The following TTC23 variants were observed in gnomAD, a reference collection of about 807,000 sequenced individuals.
The protein encoded by TTC23 is tetratricopeptide repeat domain 23, also known as tetratricopeptide repeat protein 23.
A neutral mutation model predicts 55.1 loss-of-function variants in TTC23; 58 were observed. The ratio of observed to expected loss-of-function variants is 1.05; its 90% CI spans 0.85 to 1.31. The LOEUF (loss-of-function observed/expected upper bound fraction) is 1.31, where lower values mean the gene tolerates loss of function less well. Ranked by LOEUF, TTC23 falls within the 50% of genes most tolerant of loss-of-function variation. The pLI is 0.00. For synonymous variants in TTC23, 203 were observed against 199.9 expected, an observed-to-expected ratio of 1.02 and a Z score of -0.13; for missense variants, 516 against 534.4, an observed-to-expected ratio of 0.97 and a Z score of 0.34.
At chr15:99,169,332 G>T (rs11858438) in intron 10 of TTC23, among the ~76,000 whole-genome samples, 1 of 147,348 alleles carries the variant, frequency 6.8e-6, no homozygotes. Flanking sequence ...GGCGTGGCCA[G>T]CCATGGCTTA....
At chr15:99,228,081 A>G (rs1329424186) in intron 5 of TTC23, among the ~76,000 whole-genome samples, 2 of 152,218 alleles carry the variant, frequency 1.3e-5, no homozygotes, top group Non-Finnish European at 2.9e-5. Flanking sequence ...GGCACATATT[A>G]GTCATACAAT....
At chr15:99,216,897 A>C (rs1159890638) in intron 8 of TTC23, among the ~76,000 whole-genome samples, 1 of 152,238 alleles carries the variant, frequency 6.6e-6, no homozygotes, top group East Asian at 1.9e-4. Context: ...CCTCAGAAAA[A>C]GTGTCACTTA....
rs1476745492 is a variant in TTC23 at position 99,221,545 on chromosome 15, A to G, written c.304+196T>C. ...AAACAAAAAAACCAGAAAAGTTAAA[A>G]TATTTTTTCCATTTTTCCCCTTTGA... On this transcript the variant is annotated intron_variant, in intron 6 of 13. Transcript: ENST00000394132. 2.0e-5 allele frequency among the ~76,000 whole-genome samples: 3 copies of G among 152,344 alleles called. No homozygotes were observed. The East Asian group carries it at 5.8e-4, about 29-fold the overall frequency.
intron 1 of TTC23, chr15:99,248,130 T>C (rs1055734387): frequency 1.3e-5 from 2 of 152,138 alleles, no homozygotes; most frequent in African/African-American, 4.8e-5. Flanking sequence ...GCATCAAAAT[T>C]TATATTATTC....
chr15:99,249,876 T>C (rs549269791), upstream of TTC23: 5 of 152,290 alleles, frequency 3.3e-5, no homozygotes, highest in Non-Finnish European at 5.9e-5. Context: ...TAAAGTATTA[T>C]CAAATATAAT....
chr15:99,139,251 G>C (rs1555488756), intron 13 of TTC23, 66 bp downstream of exon 13: 1 of 1,578,048 alleles, frequency 6.3e-7, no homozygotes, highest in Non-Finnish European at 8.6e-7. Flanking sequence ...TCTAGAACCA[G>C]CTTTCTCTTG....
chr15:99,171,787 G>A (rs2072976686), intron 10 of TTC23, among the ~76,000 whole-genome samples: 1 of 151,516 alleles, frequency 6.6e-6, no homozygotes, highest in Admixed American at 6.6e-5. Context: ...TGGTTTGATG[G>A]TCTCTATCTC....
chr15:99,240,358 C>A (rs2079669104), intron 3 of TTC23, among the ~76,000 whole-genome samples: 1 of 152,086 alleles, frequency 6.6e-6, no homozygotes, highest in South Asian at 2.1e-4. Context: ...TATATTTATT[C>A]TGAGCACTCA....
At chr15:99,181,109 T>C (rs144050118) in intron 9 of TTC23, among the ~76,000 whole-genome samples, 283 of 152,234 alleles carry the variant, frequency 1.9e-3, no homozygotes, top group African/African-American at 6.6e-3. Flanking sequence ...GGAGATGAGG[T>C]TGAAGGTCAC....
In TTC23 at chr15:99,137,702, C is replaced by A; in HGVS notation, c.*308G>T. The A allele has an allele frequency of 3.0e-6, 1 of 338,844 alleles. No homozygotes were observed. The highest frequency in any genetic ancestry group is 5.6e-6 in the Non-Finnish European group (1 of 179,176). 21.0% of individuals were successfully genotyped at this position (338,844 alleles called of 1,614,324 possible). A position where few individuals can be genotyped will look rare whatever the true frequency, so the allele number is the denominator to read the frequency against. On this transcript the variant is annotated 3_prime_UTR_variant, in exon 14 of 14. Transcript: ENST00000394132. ...ATGCCGGGCTGACTCCTGCACAGGG[C>A]GCACTGAACTGTTGAAGAGAAGTTT...
chr15:99,147,700 T>C (rs2069117383), intron 12 of TTC23, among the ~76,000 whole-genome samples: 1 of 152,236 alleles, frequency 6.6e-6, no homozygotes, highest in Admixed American at 6.5e-5. Flanking sequence ...AATGTCATTA[T>C]GACCCTCTCT....
rs145176138 is a variant in TTC23 at position 99,190,623 on chromosome 15, C to T, written c.759+9296G>A. Among the ~76,000 whole-genome samples, 43 of 152,148 alleles carry T rather than the reference C, an allele frequency of 2.8e-4. No homozygotes were observed. In the East Asian group the frequency reaches 6.4e-3, roughly 23 times the overall value. ...TAGAGAAAACCAATGTGGCAAAATACGTTACAATGGTGGTGAATCAGGGTG... is the reference window on the plus strand; with the variant it reads ...TAGAGAAAACCAATGTGGCAAAATATGTTACAATGGTGGTGAATCAGGGTG... On this transcript the variant is annotated intron_variant, in intron 9 of 13. Coordinates refer to ENST00000394132, the MANE Select transcript of TTC23 (RefSeq NM_001288615.3).
intron 9 of TTC23, among the ~76,000 whole-genome samples, chr15:99,189,869 T>C (rs1425072520): frequency 6.6e-6 from 1 of 152,148 alleles, no homozygotes; most frequent in Non-Finnish European, 1.5e-5. Context: ...AAATGGAATA[T>C]GACCAATGTT....
chr15:99,145,809 CAT>C (rs1173680731), intron 12 of TTC23, among the ~76,000 whole-genome samples: 2 of 152,094 alleles, frequency 1.3e-5, no homozygotes, highest in African/African-American at 2.4e-5. Context: ...GGGAGCCTCT[CAT>C]GAGAGAAACA....
intron 8 of TTC23, among the ~76,000 whole-genome samples, chr15:99,207,280 T>A (rs1385852353): frequency 6.6e-6 from 1 of 152,164 alleles, no homozygotes; most frequent in Non-Finnish European, 1.5e-5. Flanking sequence ...ATACAATATA[T>A]GTAAACAGCA....
At chr15:99,177,516 A>T (rs1396908820) in intron 9 of TTC23, among the ~76,000 whole-genome samples, 1 of 152,178 alleles carries the variant, frequency 6.6e-6, no homozygotes. Context: ...TGGAGAAAGG[A>T]AAAAAGAGGA....
At chr15:99,177,186 TTTA>T (rs1397276158) in intron 9 of TTC23, among the ~76,000 whole-genome samples, 4 of 152,268 alleles carry the variant, frequency 2.6e-5, no homozygotes, top group Non-Finnish European at 5.9e-5. Flanking sequence ...CTCTGGACTT[TTTA>T]TGTTGGGGCT....
intron 9 of TTC23, among the ~76,000 whole-genome samples, chr15:99,182,983 A>C (rs541126562): frequency 1.6e-3 from 245 of 152,342 alleles, no homozygotes; most frequent in African/African-American, 5.6e-3. Context: ...GCATTGCTAT[A>C]AGATACCAGA....
At chr15:99,182,718 G>C (rs1446923072) in intron 9 of TTC23, among the ~76,000 whole-genome samples, 9 of 151,746 alleles carry the variant, frequency 5.9e-5, no homozygotes, top group Non-Finnish European at 8.8e-5. Context: ...GGCTATTTCT[G>C]GGCAAGGAGG....
Sources: allele counts gnomAD v4.1 joint callset (sites outside exome capture counted in the v4.1 genomes callset), GRCh38; gene constraint gnomAD v4.1.1; transcripts MANE v1.5; gene names NCBI Gene and HGNC (gene_info 2026-07-23, HGNC 2026-07-21).